Variants in NRXN2 observed in about 807,000 individuals in gnomAD.
NRXN2 encodes the protein neurexin-2-beta.
Under a neutral mutation model 128.8 loss-of-function variants are expected in NRXN2, and 29 were observed. That is an observed-to-expected ratio of 0.23 (90% CI 0.17 to 0.31). The LOEUF (loss-of-function observed/expected upper bound fraction) is 0.31. Ranked by LOEUF, NRXN2 falls within the 10% of genes least tolerant of loss-of-function variation. The pLI, the probability that NRXN2 is intolerant of heterozygous loss-of-function variation, is 1.00. For missense variants in NRXN2, 1,881 were observed against 2,452.6 expected (o/e 0.77, Z 4.92); for synonymous variants, 1,098 against 1,075.2 (o/e 1.02, Z -0.41).
At chr11:64,684,561 C>A (rs537009981) in intron 6 of NRXN2, among the ~76,000 whole-genome samples, 4 of 152,104 alleles carry the variant, frequency 2.6e-5, no homozygotes, top group Admixed American at 2.6e-4. Context: ...GAGAGGTATC[C>A]CCACTAGATC....
At chr11:64,636,183 C>G (rs893573100) in intron 17 of NRXN2, among the ~76,000 whole-genome samples, 3 of 150,710 alleles carry the variant, frequency 2.0e-5, no homozygotes, top group Non-Finnish European at 4.4e-5. Context: ...CAGAGAAGGA[C>G]AGAGAGGGGT....
Position 64,648,309 on chromosome 11 carries a change from A to C in NRXN2, c.3313T>G (p.Cys1105Gly). The C allele has an allele frequency of 1.2e-6, 2 of 1,614,220 alleles. No individual in the cohort carries two copies. The highest frequency in any genetic ancestry group is 1.7e-6 in the Non-Finnish European group (2 of 1,180,038). Residue 1105 changes from cysteine to glycine, a missense_variant, in exon 17 of 23, where the codon TGT becomes GGT. Cys to Gly is a radical substitution (Grantham distance 159). This residue lies in a region of NRXN2 where 390 missense variants were observed against 599.6 expected (regional missense o/e 0.65). Transcript: ENST00000265459. The surrounding 1 kb of genome is among the most constrained non-coding windows in gnomAD (Gnocchi z 4.1). ...TGCAAGCAGACGCCCTGGTTGGCACAGGACTCTTCAGTGCAGGTGGTGCTG... is the reference window on the plus strand; with the variant it reads ...TGCAAGCAGACGCCCTGGTTGGCACCGGACTCTTCAGTGCAGGTGGTGCTG... ...GPSTTCTEESCANQGVCLQQW... is the reference protein window; with the variant it reads ...GPSTTCTEESGANQGVCLQQW...
intron 4 of NRXN2, 25 bp from the exon 5 acceptor site, chr11:64,690,501 A>G: frequency 6.2e-7 from 1 of 1,600,602 alleles, no homozygotes; most frequent in Non-Finnish European, 8.5e-7. Flanking sequence ...TTGGGGAGTC[A>G]GGCACAGGGG....
At chr11:64,637,152 A>C (rs994720144) in intron 17 of NRXN2, among the ~76,000 whole-genome samples, 7 of 151,476 alleles carry the variant, frequency 4.6e-5, no homozygotes, top group Admixed American at 4.6e-4. Flanking sequence ...CCCTGGGAGG[A>C]AGGGCAGGAG....
intron 2 of NRXN2, among the ~76,000 whole-genome samples, chr11:64,710,411 C>CCGTA (rs2056779643): frequency 6.6e-6 from 1 of 152,172 alleles, no homozygotes; most frequent in Admixed American, 6.5e-5. Flanking sequence ...ACCACACAAC[C>CCGTA]CGTATTCAGA....
chr11:64,683,850 C>G (rs559523117), intron 6 of NRXN2, among the ~76,000 whole-genome samples: 2 of 152,226 alleles, frequency 1.3e-5, no homozygotes, highest in East Asian at 3.9e-4. Flanking sequence ...GAAGAAGCAG[C>G]CGAGGGTCAC....
chr11:64,678,948 T>A (rs184693510), intron 6 of NRXN2, among the ~76,000 whole-genome samples: 1 of 152,174 alleles, frequency 6.6e-6, no homozygotes, highest in Non-Finnish European at 1.5e-5. Context: ...CCGGAAGAAG[T>A]GCTGAATAAC....
chr11:64,650,069 C>T (rs1290036700), intron 15 of NRXN2, among the ~76,000 whole-genome samples: 2 of 152,206 alleles, frequency 1.3e-5, no homozygotes, highest in East Asian at 3.9e-4. Flanking sequence ...TGCCCCATAG[C>T]GTCTACCTCA....
intron 17 of NRXN2, chr11:64,642,865 A>C (rs2045948147): frequency 8.0e-4 from 640 of 800,282 alleles, no homozygotes; most frequent in East Asian, 1.0e-3. Flanking sequence ...GGGGCTGCGC[A>C]GCCCCGCGAA....
chr11:64,673,672 CT>C (rs1021671551), intron 7 of NRXN2, among the ~76,000 whole-genome samples: 4 of 141,332 alleles, frequency 2.8e-5, no homozygotes, highest in Non-Finnish European at 4.8e-5. Flanking sequence ...GTATTGTTTA[CT>C]TTTTTTTGTT....
rs571230904 is a variant in NRXN2, at chr11:64,643,792, A to T, written c.3403+4427T>A. Among the ~76,000 whole-genome samples, 361 of 150,544 alleles carry T rather than the reference A, an allele frequency of 2.4e-3. 1 individual carries two copies. Among genetic ancestry groups the T allele is most frequent in the African/African-American group, 7.6e-3 (310 of 40,874 alleles). ...GCCTGGACGCGCGCGCTCCTCCTGCACCCCCCTCCTGGAGAAGGGACCCTG... is the reference window on the plus strand; with the variant it reads ...GCCTGGACGCGCGCGCTCCTCCTGCTCCCCCCTCCTGGAGAAGGGACCCTG... On this transcript the variant is annotated intron_variant, in intron 17 of 22. Coordinates refer to ENST00000265459, the MANE Select transcript of NRXN2 (RefSeq NM_015080.4).
intron 2 of NRXN2, among the ~76,000 whole-genome samples, chr11:64,707,256 G>A (rs1176064423): frequency 1.3e-5 from 2 of 151,804 alleles, no homozygotes; most frequent in Admixed American, 1.3e-4. Flanking sequence ...GTGTGGTGGC[G>A]GGCGCCTGTA....
intron 2 of NRXN2, among the ~76,000 whole-genome samples, chr11:64,704,359 G>C (rs2055912254): frequency 6.6e-6 from 1 of 151,930 alleles, no homozygotes; most frequent in Non-Finnish European, 1.5e-5. Flanking sequence ...CTAACACCCG[G>C]GCAATTAAGA....
chr11:64,703,620 C>T (rs976871183), intron 2 of NRXN2, among the ~76,000 whole-genome samples: 1 of 152,166 alleles, frequency 6.6e-6, no homozygotes, highest in Non-Finnish European at 1.5e-5. Context: ...TGTCCTGACC[C>T]ACTCAATTCA....
At chr11:64,661,358 GC>G in intron 9 of NRXN2, 6 of 1,441,932 alleles carry the variant, frequency 4.2e-6, no homozygotes, top group Non-Finnish European at 5.4e-6. Context: ...CTGTGACGCA[GC>G]CCCAGCCCAG....
chr11:64,705,937 C>G (rs938497801), intron 2 of NRXN2, among the ~76,000 whole-genome samples: 1 of 146,238 alleles, frequency 6.8e-6, no homozygotes, highest in Non-Finnish European at 1.5e-5. Flanking sequence ...TTCCTTGCCA[C>G]TCCCCAAGAC....
In NRXN2 at chr11:64,713,714, C is replaced by G; in HGVS notation, c.-15G>C. 1 of 1,050,170 alleles carries G rather than the reference C, an allele frequency of 9.5e-7. No individual in the cohort carries two copies. The highest frequency in any genetic ancestry group is 1.1e-6 in the Non-Finnish European group (1 of 873,514). The allele number at this position is 1,050,170 out of a possible 1,614,324, so 65.1% of individuals were successfully genotyped here. ...CCGGACGCCATGCCTACGGCGGCCC[C>G]GGCCCCGCCCGGCCCCCGGCCCCCG... On this transcript the variant is annotated 5_prime_UTR_variant, in exon 2 of 23. Transcript: ENST00000265459.
chr11:64,611,162 A>G (rs537807826), intron 22 of NRXN2, among the ~76,000 whole-genome samples: 1 of 152,310 alleles, frequency 6.6e-6, no homozygotes, highest in African/African-American at 2.4e-5. Context: ...GAAGGGGAGT[A>G]ATATTCCTCA....
intron 17 of NRXN2, among the ~76,000 whole-genome samples, chr11:64,645,668 C>T (rs989463349): frequency 6.6e-6 from 1 of 152,112 alleles, no homozygotes; most frequent in Non-Finnish European, 1.5e-5. Context: ...TAAAGGAACA[C>T]AAAGTCCCCT....
Sources: gnomAD v4.1 joint callset for allele counts (sites outside exome capture counted in the v4.1 genomes callset) on GRCh38, gnomAD v4.1.1 for gene constraint, gnomAD v4.1.1 regional missense constraint, Gnocchi (gnomAD v3.1) non-coding constraint, MANE v1.5 for transcripts, NCBI Gene and HGNC (gene_info 2026-07-23, HGNC 2026-07-21) for gene names.